Variants in CEND1 observed in about 807,000 individuals in gnomAD.
The protein encoded by CEND1 is cell cycle exit and neuronal differentiation protein 1.
In CEND1, 1 loss-of-function variant was observed where a neutral mutation model predicts 4.4. That is an observed-to-expected ratio of 0.23 (90% CI 0.08 to 1.09). The LOEUF (loss-of-function observed/expected upper bound fraction) is 1.09, where lower values mean the gene tolerates loss of function less well. Ranked by LOEUF, CEND1 falls within the 50% of genes least tolerant of loss-of-function variation. The pLI is 0.55. For missense variants in CEND1, 213 were observed against 201.2 expected, an observed-to-expected ratio of 1.06 and a Z score of -0.35; for synonymous variants, 109 against 93.0, an observed-to-expected ratio of 1.17 and a Z score of -0.99.
At chr11:788,706 T>A in intron 1 of CEND1, 48 bp from the exon 2 acceptor site, 1 of 840,754 alleles carries the variant, frequency 1.2e-6, no homozygotes, top group Non-Finnish European at 1.7e-6. Flanking sequence ...GTCCCCCCTG[T>A]GCTGCCCCGA....
chr11:790,055 C>A lies in CEND1; in HGVS notation c.-108G>T, dbSNP rs1489878157. 1 of 152,608 alleles carries A rather than the reference C, an allele frequency of 6.6e-6. No homozygotes were observed. Among genetic ancestry groups the A allele is most frequent in the African/African-American group, 2.4e-5 (1 of 41,372 alleles). The allele number at this position is 152,608 out of a possible 1,614,324, so 9.5% of individuals were successfully genotyped here. A position where few individuals can be genotyped will look rare whatever the true frequency, so the allele number is the denominator to read the frequency against. On this transcript the variant is annotated 5_prime_UTR_variant, in exon 1 of 2. Transcript: ENST00000330106. ...GCGTCCTCCGGCCTCCCCGGGGCTG[C>A]GCGCTCCTCCGCGGGATGACGGCGG...
rs774679190 is a variant in CEND1, at chr11:788,168, C to T, written c.409G>A (p.Ala137Thr). The change falls in exon 2 of 2, where the codon GCC becomes ACC. Residue 137 changes from alanine (A) to threonine (T), a missense_variant. Ala to Thr is a moderately conservative substitution (Grantham distance 58). Transcript: ENST00000330106. ...VAGGVAVAAI[A>T]LILGVAFLVR... ...AGGAAGGCCACACCGAGAATCAGGG[C>T]TATGGCTGCCACGGCCACACCCCCA... 1.3e-6 allele frequency: 2 copies of T among 1,599,500 alleles called. No homozygotes were observed. Among genetic ancestry groups the T allele is most frequent in the Non-Finnish European group, 1.7e-6 (2 of 1,176,768 alleles).
chr11:788,950 A>C (rs1864399700), intron 1 of CEND1, among the ~76,000 whole-genome samples: 1 of 151,774 alleles, frequency 6.6e-6, no homozygotes, highest in South Asian at 2.1e-4. Context: ...ACATCCTCCC[A>C]CCAGCCGGGG....
At chr11:789,629 C>G (rs1864416669) in intron 1 of CEND1, among the ~76,000 whole-genome samples, 1 of 152,158 alleles carries the variant, frequency 6.6e-6, no homozygotes, top group African/African-American at 2.4e-5. Flanking sequence ...CCCTCCAGAC[C>G]TGCAGAGAAA....
rs1864363826 is a variant in CEND1, at chr11:787,183, G to A, written c.*944C>T. ...CCGGGGTTCCTGTGGCCACTGGCCA[G>A]TGAGGGCAGGCCACGTTCTCACAGT... On this transcript the variant is annotated 3_prime_UTR_variant, in exon 2 of 2. Coordinates refer to ENST00000330106, the MANE Select transcript of CEND1 (RefSeq NM_016564.4). 6.6e-6 allele frequency: 1 copy of A among 152,496 alleles called. No individual in the cohort carries two copies. Among genetic ancestry groups the A allele is most frequent in the South Asian group, 2.1e-4 (1 of 4,838 alleles). 9.4% of individuals were successfully genotyped at this position (152,496 alleles called of 1,614,324 possible).
Position 787,998 on chromosome 11 carries a change from G to A in CEND1, c.*129C>T, listed in dbSNP as rs1270200318. 2 of 709,282 alleles carry A rather than the reference G, an allele frequency of 2.8e-6. No homozygotes were observed. Among genetic ancestry groups the A allele is most frequent in the Non-Finnish European group, 4.2e-6 (2 of 476,242 alleles). 43.9% of individuals were successfully genotyped at this position (709,282 alleles called of 1,614,324 possible). A position where few individuals can be genotyped will look rare whatever the true frequency, so the allele number is the denominator to read the frequency against. The stretch of plus-strand genomic sequence containing the variant: ...GGCGTCCTCTTCACCGTGCGCGTGT[G>A]TTGGGGGCGTATGTAGGTGTGTAAT... On this transcript the variant is annotated 3_prime_UTR_variant, in exon 2 of 2. Coordinates refer to ENST00000330106, the MANE Select transcript of CEND1 (RefSeq NM_016564.4).
At chr11:789,200 T>C (rs1456316878) in intron 1 of CEND1, among the ~76,000 whole-genome samples, 1 of 151,360 alleles carries the variant, frequency 6.6e-6, no homozygotes. Flanking sequence ...GCCATCAGGG[T>C]GGGTGGGCCC....
At chr11:789,698 G>A (rs1864418659) in intron 1 of CEND1, among the ~76,000 whole-genome samples, 2 of 151,962 alleles carry the variant, frequency 1.3e-5, no homozygotes, top group African/African-American at 4.8e-5. Flanking sequence ...GTCACCCGAA[G>A]GTCACAGCAT....
Position 788,235 on chromosome 11 carries a change from T to C in CEND1, c.342A>G (p.Arg114=). ...DEAASGGPGG[R]GPWSCENFNP... ...TGAAGTTCTCACAGGACCAGGGACC[T>C]CGGCCCCCAGGCCCCCCACTGGCAG... The change falls in exon 2 of 2, where the codon CGA becomes CGG. Residue 114 remains arginine (R), a synonymous_variant. Coordinates refer to ENST00000330106, the MANE Select transcript of CEND1 (RefSeq NM_016564.4). 1 of 1,610,020 alleles carries C rather than the reference T, an allele frequency of 6.2e-7. No individual in the cohort carries two copies. The highest frequency in any genetic ancestry group is 8.5e-7 in the Non-Finnish European group (1 of 1,178,710).
intron 1 of CEND1, among the ~76,000 whole-genome samples, 177 bp downstream of exon 1, chr11:789,853 A>G (rs188145456): frequency 1.1e-3 from 165 of 152,080 alleles, no homozygotes; most frequent in African/African-American, 3.9e-3. Context: ...CAACCTCGCT[A>G]TTTGTGGCAC....
At position 788,385 on chromosome 11, in the gene CEND1, C is replaced by A. The variant is rs201735178; in HGVS notation, c.192G>T (p.Ser64=). 1.9e-5 allele frequency: 31 copies of A among 1,595,464 alleles called. No individual in the cohort carries two copies. Among genetic ancestry groups the A allele is most frequent in the African/African-American group, 1.3e-5 (1 of 74,258 alleles). The change falls in exon 2 of 2, where the codon TCG becomes TCT. Residue 64 remains serine, a synonymous_variant. Transcript: ENST00000330106. ...TGAGAAGGGCAGGGTCGGCCTTGGCCGAGGTCTTCTTGGCAGGTGCCGTGG... is the reference window on the plus strand; with the variant it reads ...TGAGAAGGGCAGGGTCGGCCTTGGCAGAGGTCTTCTTGGCAGGTGCCGTGG... ...APTTAPAKKT[S]AKADPALLNN...
intron 1 of CEND1, among the ~76,000 whole-genome samples, chr11:789,599 C>T (rs374210813): frequency 6.6e-6 from 1 of 152,152 alleles, no homozygotes; most frequent in African/African-American, 2.4e-5. Flanking sequence ...TCTGCCTCTC[C>T]CAGGGAAGGA....
Position 788,005 on chromosome 11 carries a change from G to A in CEND1, c.*122C>T, listed in dbSNP as rs1414532918. 3 of 738,482 alleles carry A rather than the reference G, an allele frequency of 4.1e-6. No homozygotes were observed. The highest frequency in any genetic ancestry group is 1.8e-5 in the African/African-American group (1 of 56,358). 45.7% of individuals were successfully genotyped at this position (738,482 alleles called of 1,614,324 possible). ...TCTTCACCGTGCGCGTGTGTTGGGG[G>A]CGTATGTAGGTGTGTAATGAATGTG... On this transcript the variant is annotated 3_prime_UTR_variant, in exon 2 of 2. Coordinates refer to ENST00000330106, the MANE Select transcript of CEND1 (RefSeq NM_016564.4).
Position 788,328 on chromosome 11 carries a change from CGTGGGGGCT to C in CEND1, c.240_248del (p.Ala81_Thr83del). On this transcript the variant is annotated inframe_deletion, in exon 2 of 2. Coordinates refer to ENST00000330106, the MANE Select transcript of CEND1 (RefSeq NM_016564.4). ...GGGTTGCATCGGGACTGCTGGGGAC[CGTGGGGGCT>C]GGCTTCAGGTTGCTGTGGTTGTTGA... 1.2e-6 allele frequency: 2 copies of C among 1,606,378 alleles called. No individual in the cohort carries two copies. Among genetic ancestry groups the C allele is most frequent in the Non-Finnish European group, 1.7e-6 (2 of 1,174,502 alleles).
At chr11:789,866 AC>A (rs1020753046) in intron 1 of CEND1, among the ~76,000 whole-genome samples, 163 bp downstream of exon 1, 2 of 152,122 alleles carry the variant, frequency 1.3e-5, no homozygotes, top group Non-Finnish European at 2.9e-5. Context: ...TGTGGCACTT[AC>A]ATCCCGGCCG....
chr11:789,985 GCGCCCGCCC>G (rs534144198), intron 1 of CEND1, 36 bp downstream of exon 1: 17,768 of 152,858 alleles, frequency 0.12, 1,022 homozygotes, highest in Non-Finnish European at 0.14. Context: ...GCAGGACGCC[GCGCCCGCCC>G]CGCCCGCCCC....
At chr11:788,695 A>G in intron 1 of CEND1, 37 bp from the exon 2 acceptor site, 1 of 1,006,884 alleles carries the variant, frequency 9.9e-7, no homozygotes, top group Non-Finnish European at 1.4e-6. Context: ...GCGCGGGTCC[A>G]GTCCCCCCTG....
At chr11:789,601 A>G (rs1864415715) in intron 1 of CEND1, among the ~76,000 whole-genome samples, 1 of 152,092 alleles carries the variant, frequency 6.6e-6, no homozygotes, top group South Asian at 2.1e-4. Context: ...TGCCTCTCCC[A>G]GGGAAGGATG....
Position 788,139 on chromosome 11 carries a change from G to T in CEND1, c.438C>A (p.Val146=). ...IALILGVAFL[V]RKK is the part of the protein sequence containing the mutation. ...TGGCCCCCAGGTATTATTTTTTCCG[G>T]ACCAGGAAGGCCACACCGAGAATCA... The change falls in exon 2 of 2, where the codon GTC becomes GTA. Residue 146 remains valine (V), a synonymous_variant. Coordinates refer to ENST00000330106, the MANE Select transcript of CEND1 (RefSeq NM_016564.4). The T allele has an allele frequency of 6.4e-7, 1 of 1,566,344 alleles. No homozygotes were observed. Among genetic ancestry groups the T allele is most frequent in the South Asian group, 1.1e-5 (1 of 88,142 alleles).
Sources: allele counts gnomAD v4.1 joint callset (sites outside exome capture counted in the v4.1 genomes callset), GRCh38; gene constraint gnomAD v4.1.1; transcripts MANE v1.5; gene names NCBI Gene and HGNC (gene_info 2026-07-23, HGNC 2026-07-21).